Variants in FLG observed in about 807,000 individuals in gnomAD.
FLG encodes epidermal filaggrin.
A neutral mutation model predicts 3.8 loss-of-function variants in FLG; 6 were observed. The ratio of observed to expected loss-of-function variants is 1.60; its 90% CI spans 0.87 to 3.15. The LOEUF (loss-of-function observed/expected upper bound fraction) is 3.15. Ranked by LOEUF, FLG falls within the 30% of genes most tolerant of loss-of-function variation. FLG has a pLI of 0.00. For missense variants in FLG, 7,595 were observed against 5,050.9 expected (o/e 1.50, Z -15.27); for synonymous variants, 2,551 against 1,931.6 (o/e 1.32, Z -8.41).
chr1:152,310,994 A>T lies in FLG; in HGVS notation c.3892T>A (p.Ser1298Thr). The T allele has an allele frequency of 6.2e-7, 1 of 1,612,380 alleles. No homozygotes were observed. The highest frequency in any genetic ancestry group is 8.5e-7 in the Non-Finnish European group (1 of 1,179,742). ...GSASRNHHGS[S>T]REQSRDGSRH... ...GAGCCATCTCTTGACTGCTCCCGAGAAGATCCATGATGGTTTCTGGAAGCA... is the reference window on the plus strand; with the variant it reads ...GAGCCATCTCTTGACTGCTCCCGAGTAGATCCATGATGGTTTCTGGAAGCA... Residue 1298 changes from serine (S) to threonine (T), a missense_variant, in exon 3 of 3, where the codon TCT becomes ACT. By Grantham distance (58) the Ser-to-Thr change is moderately conservative (BLOSUM62 1). Transcript: ENST00000368799.
chr1:152,319,751 G>T (rs1180006822), intron 1 of FLG, among the ~76,000 whole-genome samples: 1 of 151,344 alleles, frequency 6.6e-6, no homozygotes, highest in Non-Finnish European at 1.5e-5. Flanking sequence ...AAGAAAACAT[G>T]TAAAGATATT....
intron 1 of FLG, among the ~76,000 whole-genome samples, chr1:152,320,260 A>T (rs1652914968): frequency 6.6e-6 from 1 of 151,238 alleles, no homozygotes; most frequent in Non-Finnish European, 1.5e-5. Context: ...TATTGTAGAG[A>T]TGTAAACCAA....
In FLG at chr1:152,314,637, T is replaced by C; in HGVS notation, c.249A>G (p.Gln83=). The C allele has an allele frequency of 1.2e-6, 2 of 1,614,128 alleles. No homozygotes were observed. The highest frequency in any genetic ancestry group is 1.1e-5 in the South Asian group (1 of 91,076). ...CTTTTCTGGTAGACTCATAATATGCTTGAGCCAACTTGAATACCATCAGAA... is the reference window on the plus strand; with the variant it reads ...CTTTTCTGGTAGACTCATAATATGCCTGAGCCAACTTGAATACCATCAGAA... The part of the protein sequence containing the change: ...EFLLMVFKLA[Q]AYYESTRKEN... The change falls in exon 3 of 3, where the codon CAA becomes CAG. Residue 83 remains glutamine, a synonymous_variant. Transcript: ENST00000368799.
At position 152,311,251 on chromosome 1, in the gene FLG, C is replaced by A; in HGVS notation, c.3635G>T (p.Gly1212Val). Residue 1212 changes from glycine (G) to valine (V), a missense_variant, in exon 3 of 3, where the codon GGA becomes GTA. Coordinates refer to ENST00000368799, the MANE Select transcript of FLG (RefSeq NM_002016.2). Reference protein sequence around the residue: ...GRSDASHGQSGSRSASRQTRK... With the variant: ...GRSDASHGQSVSRSASRQTRK... Reference sequence around the variant, plus strand: ...AGTTTGTCTGCTTGCACTTCTGGATCCTGACTGCCCATGGGAGGCATCAGA... The same window carrying A: ...AGTTTGTCTGCTTGCACTTCTGGATACTGACTGCCCATGGGAGGCATCAGA... The A allele has an allele frequency of 6.2e-7, 1 of 1,613,852 alleles. No homozygotes were observed. The highest frequency in any genetic ancestry group is 8.5e-7 in the Non-Finnish European group (1 of 1,179,966).
rs79048732 is a variant in FLG, at chr1:152,310,929, G to A, written c.3957C>T (p.His1319=). ...GTCTGGAGCTGTCTGCAGAGTGCCC[G>A]TGACTGGCTCTGTCTTCTTGATGGA... ...PGFHQEDRAS[H]GHSADSSRQS... Residue 1319 remains histidine (H), a synonymous_variant, in exon 3 of 3, where the codon CAC becomes CAT. Transcript: ENST00000368799. 1.0e-3 allele frequency: 1,641 copies of A among 1,613,972 alleles called. 18 individuals carry two copies. In the African/African-American group the frequency reaches 0.019, roughly 19 times the overall value.
In FLG at chr1:152,305,416, C is replaced by T; in HGVS notation, c.9470G>A (p.Gly3157Glu). 6.2e-7 allele frequency: 1 copy of T among 1,603,000 alleles called. No homozygotes were observed. The highest frequency in any genetic ancestry group is 8.5e-7 in the Non-Finnish European group (1 of 1,178,298). Residue 3157 changes from glycine to glutamate, a missense_variant, in exon 3 of 3, where the codon GGA becomes GAA. By Grantham distance (98) the Gly-to-Glu change is moderately conservative. Transcript: ENST00000368799. ...TGTTGTTCTGCTTGCACTTCTGGAT[C>T]CTGACTGCCCACGGGAGGCATCAGA... ...GRSDASRGQS[G>E]SRSASRTTRN...
rs1182073077 is a variant in FLG, at chr1:152,303,276, CTCACTG to C, written c.11604_11609del (p.Asp3868_Ser3869del). ...GCCTCTCAGAGTCCTCTGGGTATGC[CTCACTG>C]TCACTGTCCTGGCTAACACTGGATC... On this transcript the variant is annotated inframe_deletion, in exon 3 of 3. Transcript: ENST00000368799. 1 of 1,614,074 alleles carries C rather than the reference CTCACTG, an allele frequency of 6.2e-7. No homozygotes were observed. The highest frequency in any genetic ancestry group is 1.1e-5 in the South Asian group (1 of 91,066).
intron 1 of FLG, among the ~76,000 whole-genome samples, chr1:152,324,964 A>T (rs1369639824): frequency 6.6e-6 from 1 of 151,954 alleles, no homozygotes; most frequent in African/African-American, 2.4e-5. Context: ...AAGTAAATGA[A>T]TAAATGGACA....
chr1:152,312,557 C>G lies in FLG; in HGVS notation c.2329G>C (p.Glu777Gln). 6.2e-7 allele frequency: 1 copy of G among 1,613,844 alleles called. No individual in the cohort carries two copies. Among genetic ancestry groups the G allele is most frequent in the Non-Finnish European group, 8.5e-7 (1 of 1,179,982 alleles). The change falls in exon 3 of 3, where the codon GAG (glutamate) becomes CAG (glutamine). Residue 777 changes from glutamate (E) to glutamine (Q), a missense_variant. Glu to Gln is a conservative substitution (Grantham distance 29). Transcript: ENST00000368799. ...TCCCCTGACCGGTCACGTGCGGACT[C>G]TTGGTGGCTCTGCTGATGGTGACCA... ...QAGHHQQSHQ[E>Q]SARDRSGERS...
At position 152,309,447 on chromosome 1, in the gene FLG, A is replaced by G. The variant is rs1426375167; in HGVS notation, c.5439T>C (p.Ile1813=). 1 of 1,613,044 alleles carries G rather than the reference A, an allele frequency of 6.2e-7. No individual in the cohort carries two copies. ...CTCTGCTTGACCCTGGGTGTCCACG[A>G]ATGGTGTCCTGACCCTCTTGGGACG... The part of the protein sequence containing the change: ...HSASQEGQDT[I]RGHPGSSRGG... Residue 1813 remains isoleucine, a synonymous_variant, in exon 3 of 3, where the codon ATT becomes ATC. Transcript: ENST00000368799.
Position 152,311,760 on chromosome 1 carries a change from G to C in FLG, c.3126C>G (p.Asp1042Glu), listed in dbSNP as rs759531140. Residue 1042 changes from aspartate (D) to glutamate (E), a missense_variant, in exon 3 of 3, where the codon GAC becomes GAG. Physicochemically the swap from Asp to Glu is conservative, Grantham distance 45. Coordinates refer to ENST00000368799, the MANE Select transcript of FLG (RefSeq NM_002016.2). ...RHGSRHQQSADSSRHSGIPRR... is the reference protein window; with the variant it reads ...RHGSRHQQSAESSRHSGIPRR... The stretch of plus-strand genomic sequence containing the variant: ...GCGGAATGCCTGAGTGTCTGGAGCT[G>C]TCTGCTGACTGCTGGTGGCGGGATC... 1.2e-6 allele frequency: 2 copies of C among 1,614,160 alleles called. No homozygotes were observed. The highest frequency in any genetic ancestry group is 2.2e-5 in the South Asian group (2 of 91,076).
rs756704014 is a variant in FLG, at chr1:152,311,127, T to G, written c.3759A>C (p.Gly1253=). The change falls in exon 3 of 3, where the codon GGA becomes GGC. Residue 1253 remains glycine, a synonymous_variant. Transcript: ENST00000368799. ...TCCTGGACCCCGATGATTGTTCCTGTCCCACCTGTGAGTGTCTAGAGCTGT... is the reference window on the plus strand; with the variant it reads ...TCCTGGACCCCGATGATTGTTCCTGGCCCACCTGTGAGTGTCTAGAGCTGT... ...WADSSRHSQV[G]QEQSSGSRTS... 4.3e-6 allele frequency: 7 copies of G among 1,613,668 alleles called. No homozygotes were observed. Among genetic ancestry groups the G allele is most frequent in the African/African-American group, 2.7e-5 (2 of 74,806 alleles).
Position 152,308,144 on chromosome 1 carries a change from C to T in FLG, c.6742G>A (p.Asp2248Asn), listed in dbSNP as rs867734882. The change falls in exon 3 of 3, where the codon GAC becomes AAC. Residue 2248 changes from aspartate to asparagine, a missense_variant. Transcript: ENST00000368799. ...PRGSSVSQDS[D>N]SEGHSEDSER... Reference sequence around the variant, plus strand: ...GAATCTTCTGAGTGTCCCTCACTGTCACTGTCCTGGCTAACACTGGATCCC... The same window carrying T: ...GAATCTTCTGAGTGTCCCTCACTGTTACTGTCCTGGCTAACACTGGATCCC... The T allele has an allele frequency of 1.2e-6, 2 of 1,614,060 alleles. No homozygotes were observed. The highest frequency in any genetic ancestry group is 1.7e-6 in the Non-Finnish European group (2 of 1,180,006).
Position 152,309,767 on chromosome 1 carries a change from C to A in FLG, c.5119G>T (p.Gly1707Ter). The change falls in exon 3 of 3, where the codon GGA becomes TGA. Residue 1707 changes from glycine to a stop codon, truncating the protein, a stop_gained. Transcript: ENST00000368799. LOFTEE classifies it low-confidence loss of function (END_TRUNC). ...CTGGACCCTCGGTTTCCACTGTCTC[C>A]GACTACAGATGAATCTTGTCTGCGC... ...TGRRQDSSVVGDSGNRGSSGS... is the reference protein window; with the variant it reads ...TGRRQDSSVV 5 of 1,613,826 alleles carry A rather than the reference C, an allele frequency of 3.1e-6. No homozygotes were observed. The highest frequency in any genetic ancestry group is 3.4e-6 in the Non-Finnish European group (4 of 1,179,952).
In FLG at chr1:152,312,676, C is replaced by T; in HGVS notation, c.2210G>A (p.Ser737Asn). 2 of 1,614,064 alleles carry T rather than the reference C, an allele frequency of 1.2e-6. No homozygotes were observed. Among genetic ancestry groups the T allele is most frequent in the Non-Finnish European group, 1.7e-6 (2 of 1,180,030 alleles). ...ACTACCACTGGACCCTCGGTGTCCA[C>T]TGTCTCTGACTGCAGATGAAGCTTG... is the stretch of plus-strand genomic sequence containing the variant. ...HGQASSAVRD[S>N]GHRGSSGSQA... Residue 737 changes from serine to asparagine, a missense_variant, in exon 3 of 3, where the codon AGT (serine) becomes AAT (asparagine). Transcript: ENST00000368799.
Position 152,316,859 on chromosome 1 carries a change from A to G in FLG, c.-21-1382T>C, listed in dbSNP as rs554855999. ...CCCCAAATGCCCCTTGGATACATCCACTTGTCCTACTTTTTCTTATACCCA... is the reference window on the plus strand; with the variant it reads ...CCCCAAATGCCCCTTGGATACATCCGCTTGTCCTACTTTTTCTTATACCCA... On this transcript the variant is annotated intron_variant, in intron 1 of 2. Coordinates refer to ENST00000368799, the MANE Select transcript of FLG (RefSeq NM_002016.2). Among the ~76,000 whole-genome samples, 30 of 152,244 alleles carry G rather than the reference A, an allele frequency of 2.0e-4. 1 individual carries two copies. In the South Asian group the frequency reaches 6.0e-3, roughly 30 times the overall value.
At chr1:152,323,857 C>G (rs1287735975) in intron 1 of FLG, among the ~76,000 whole-genome samples, 2 of 151,614 alleles carry the variant, frequency 1.3e-5, no homozygotes, top group Admixed American at 1.3e-4. Flanking sequence ...ATTTATAATA[C>G]CCCCCAAAAT....
At chr1:152,314,865 C>CTTT in intron 2 of FLG, 118 bp from the exon 3 acceptor site, 2 of 1,073,428 alleles carry the variant, frequency 1.9e-6, no homozygotes, top group Non-Finnish European at 2.6e-6. Flanking sequence ...GGGACAAAAT[C>CTTT]TTTTTTTTTT....
rs375135803 is a variant in FLG at position 152,311,929 on chromosome 1, C to G, written c.2957G>C (p.Arg986Thr). The change falls in exon 3 of 3, where the codon AGG (arginine) becomes ACG (threonine). Residue 986 changes from arginine to threonine, a missense_variant. Coordinates refer to ENST00000368799, the MANE Select transcript of FLG (RefSeq NM_002016.2). ...EQSRHGSRHP[R>T]SHHEDRAGHG... ...ACCGGCTCTGTCTTCGTGATGGGAC[C>G]TGGGGTGTCTGGAGCCATGTCTTGA... is the stretch of plus-strand genomic sequence containing the variant. 57 of 1,614,002 alleles carry G rather than the reference C, an allele frequency of 3.5e-5. No individual in the cohort carries two copies. Among genetic ancestry groups the G allele is most frequent in the Non-Finnish European group, 4.4e-5 (52 of 1,180,018 alleles).
Sources: gnomAD v4.1 joint callset for allele counts (sites outside exome capture counted in the v4.1 genomes callset) on GRCh38, gnomAD v4.1.1 for gene constraint, MANE v1.5 for transcripts, NCBI Gene and HGNC (gene_info 2026-07-23, HGNC 2026-07-21) for gene names.